The following MAP3K14 variants were observed in gnomAD, a reference collection of about 807,000 sequenced individuals.
The protein encoded by MAP3K14 is NF-kappa-beta-inducing kinase.
Under a neutral mutation model 99.2 loss-of-function variants are expected in MAP3K14, and 16 were observed. The observed-to-expected ratio is 0.16, with a 90% confidence interval of 0.11 to 0.24. The LOEUF (loss-of-function observed/expected upper bound fraction) is 0.24. Among genes scored for constraint, MAP3K14 ranks in the 10% least tolerant of loss-of-function variants. MAP3K14 has a pLI of 1.00. For missense variants in MAP3K14, 784 were observed against 1,208.7 expected, an observed-to-expected ratio of 0.65 and a Z score of 5.21; for synonymous variants, 462 against 492.4, an observed-to-expected ratio of 0.94 and a Z score of 0.82.
At chr17:45,299,960 C>T (rs890538875) in intron 1 of MAP3K14, among the ~76,000 whole-genome samples, 7 of 152,050 alleles carry the variant, frequency 4.6e-5, no homozygotes, top group South Asian at 2.1e-4. Flanking sequence ...CATGGTGGCG[C>T]GTGCCTGTAA....
chr17:45,270,652 C>T (rs2044135890), intron 10 of MAP3K14, 89 bp from the exon 11 acceptor site: 20 of 1,432,782 alleles, frequency 1.4e-5, no homozygotes, highest in South Asian at 1.0e-4. Context: ...TCCCGCCGGC[C>T]CCTGTTCCCG....
intron 14 of MAP3K14, among the ~76,000 whole-genome samples, chr17:45,265,903 A>C (rs2143764021): frequency 6.6e-6 from 1 of 152,352 alleles, no homozygotes; most frequent in East Asian, 1.9e-4. Context: ...CTTGGATGCA[A>C]AGCAGAAAGG....
chr17:45,308,977 A>G (rs1007192058), intron 1 of MAP3K14, among the ~76,000 whole-genome samples: 5 of 121,222 alleles, frequency 4.1e-5, no homozygotes, highest in Admixed American at 2.9e-4. Flanking sequence ...ATGTCCAGCT[A>G]GTTTAAAAAA....
intron 6 of MAP3K14, among the ~76,000 whole-genome samples, chr17:45,280,243 T>C (rs2044211495): frequency 6.6e-6 from 1 of 151,866 alleles, no homozygotes; most frequent in African/African-American, 2.4e-5. Flanking sequence ...ATCTGGGAAA[T>C]GATATGAATT....
intron 2 of MAP3K14, 71 bp downstream of exon 2, chr17:45,290,419 C>A: frequency 3.2e-6 from 5 of 1,580,924 alleles, no homozygotes; most frequent in Non-Finnish European, 4.3e-6. Flanking sequence ...CCATAGGGAA[C>A]CCCTGGGCCC....
intron 1 of MAP3K14, among the ~76,000 whole-genome samples, chr17:45,293,056 C>A (rs750471155): frequency 1.1e-4 from 16 of 152,240 alleles, no homozygotes; most frequent in Non-Finnish European, 1.9e-4. Flanking sequence ...GCCCTGCACA[C>A]AGTGCCTCCC....
At chr17:45,313,274 T>TTAC (rs377671447) in intron 1 of MAP3K14, among the ~76,000 whole-genome samples, 113 of 151,684 alleles carry the variant, frequency 7.4e-4, no homozygotes, top group South Asian at 5.2e-3. Flanking sequence ...ACTGCTACTA[T>TTAC]TACTACTACT....
Position 45,290,515 on chromosome 17 carries a change from G to A in MAP3K14, c.231C>T (p.Ala77=). Residue 77 remains alanine (A), a synonymous_variant, in exon 2 of 16, where the codon GCC becomes GCT. Coordinates refer to ENST00000344686, the MANE Select transcript of MAP3K14 (RefSeq NM_003954.5). ...ACTCAGCCTGGGCGATGATAGAGAT[G>A]GCAGCTGGCCCTGCCTCGGAGCCTT... The part of the protein sequence containing the change: ...AKEGSEAGPA[A]ISIIAQAECE... 6.2e-7 allele frequency: 1 copy of A among 1,613,918 alleles called. No homozygotes were observed. Among genetic ancestry groups the A allele is most frequent in the Non-Finnish European group, 8.5e-7 (1 of 1,179,894 alleles).
At chr17:45,289,674 TACATATAAGTGTGG>T (rs1421023603) in intron 2 of MAP3K14, among the ~76,000 whole-genome samples, 1 of 152,268 alleles carries the variant, frequency 6.6e-6, no homozygotes, top group African/African-American at 2.4e-5. Context: ...TATATGTGTG[TACATATAAGTGTGG>T]ATATATGTGT....
intron 1 of MAP3K14, among the ~76,000 whole-genome samples, chr17:45,299,203 A>G (rs1393700978): frequency 2.6e-5 from 4 of 152,060 alleles, no homozygotes; most frequent in African/African-American, 9.7e-5. Context: ...ATAATTCCAC[A>G]TTCCTCCCAG....
intron 11 of MAP3K14, 34 bp downstream of exon 11, chr17:45,270,379 C>A: frequency 6.3e-7 from 1 of 1,595,188 alleles, no homozygotes. Flanking sequence ...CTGTCTTCTG[C>A]CCCCCGGGTC....
At position 45,267,206 on chromosome 17, in the gene MAP3K14, G is replaced by A. The variant is rs1465790516; in HGVS notation, c.2327-8C>T. On this transcript the variant is annotated splice_polypyrimidine_tract_variant and splice_region_variant and intron_variant, in intron 12 of 15. Transcript: ENST00000344686. This position sits in a 1 kb window ranked among gnomAD's most constrained non-coding sequence, Gnocchi z 5.1. Reference sequence around the variant, plus strand: ...GGCTGTTGAGGAATAATTCTGCAGGGAAAAGTGGAAGATGGCTGTGAAAGA... The same window carrying A: ...GGCTGTTGAGGAATAATTCTGCAGGAAAAAGTGGAAGATGGCTGTGAAAGA... 1.3e-6 allele frequency: 2 copies of A among 1,567,766 alleles called. No homozygotes were observed. Among genetic ancestry groups the A allele is most frequent in the Non-Finnish European group, 1.7e-6 (2 of 1,151,836 alleles).
chr17:45,302,746 G>GCACATGCACA (rs1004382141), intron 1 of MAP3K14, among the ~76,000 whole-genome samples: 1 of 152,206 alleles, frequency 6.6e-6, no homozygotes, highest in African/African-American at 2.4e-5. Flanking sequence ...CCGTGTGCGC[G>GCACATGCACA]CACATGCACA....
chr17:45,280,367 G>T (rs957369675), intron 6 of MAP3K14, among the ~76,000 whole-genome samples: 4 of 140,400 alleles, frequency 2.8e-5, no homozygotes, highest in Non-Finnish European at 4.5e-5. Context: ...GCAGTGGCAT[G>T]ATCTTGGCTC....
chr17:45,264,882 C>A, intron 15 of MAP3K14, 82 bp from the exon 16 acceptor site: 2 of 1,444,642 alleles, frequency 1.4e-6, no homozygotes, highest in South Asian at 1.3e-5. Flanking sequence ...CTCCTTCCAG[C>A]CAGACCGGCA....
chr17:45,270,045 C>T (rs987951873), intron 11 of MAP3K14, among the ~76,000 whole-genome samples: 5 of 152,230 alleles, frequency 3.3e-5, no homozygotes, highest in Middle Eastern at 3.4e-3. Context: ...AGTGTTGGAA[C>T]AGAACTGAAT....
At chr17:45,308,328 C>T (rs1472074829) in intron 1 of MAP3K14, among the ~76,000 whole-genome samples, 1 of 152,172 alleles carries the variant, frequency 6.6e-6, no homozygotes, top group African/African-American at 2.4e-5. Flanking sequence ...TCTTGGAATG[C>T]TGAACCCAGT....
intron 8 of MAP3K14, 95 bp from the exon 9 acceptor site, chr17:45,273,702 T>C: frequency 3.3e-6 from 3 of 900,288 alleles, no homozygotes; most frequent in Non-Finnish European, 3.6e-6. Flanking sequence ...AGTGATGTAA[T>C]TTTCTGGCTG....
chr17:45,311,506 C>T (rs921145373), intron 1 of MAP3K14, among the ~76,000 whole-genome samples: 1 of 152,166 alleles, frequency 6.6e-6, no homozygotes. Flanking sequence ...TAATGGACAC[C>T]TGATAGTGGC....
Sources: gnomAD v4.1 joint callset for allele counts (sites outside exome capture counted in the v4.1 genomes callset) on GRCh38, gnomAD v4.1.1 for gene constraint, Gnocchi (gnomAD v3.1) non-coding constraint, MANE v1.5 for transcripts, NCBI Gene and HGNC (gene_info 2026-07-23, HGNC 2026-07-21) for gene names.